The following CYRIB variants were observed in gnomAD, a reference collection of about 807,000 sequenced individuals.
The protein encoded by CYRIB is CYFIP related Rac1 interactor B, also known as CYFIP-related Rac1 interactor B.
A neutral mutation model predicts 44.2 loss-of-function variants in CYRIB; 8 were observed. The observed-to-expected ratio is 0.18, with a 90% CI of 0.11 to 0.33. The LOEUF (loss-of-function observed/expected upper bound fraction) is 0.33. CYRIB is among the 10% of genes least tolerant of loss of function. CYRIB has a pLI of 1.00. For missense variants in CYRIB, 185 were observed against 382.8 expected, an observed-to-expected ratio of 0.48 and a Z score of 4.31; for synonymous variants, 131 against 127.2, an observed-to-expected ratio of 1.03 and a Z score of -0.20.
intron 1 of CYRIB, among the ~76,000 whole-genome samples, chr8:129,977,509 G>A (rs549534666): frequency 6.6e-6 from 1 of 152,022 alleles, no homozygotes; most frequent in South Asian, 2.1e-4. Context: ...TATACTATTT[G>A]GTATTATCAC....
At chr8:129,893,710 T>G (rs1006672411) in intron 2 of CYRIB, among the ~76,000 whole-genome samples, 14 of 152,098 alleles carry the variant, frequency 9.2e-5, no homozygotes, top group Non-Finnish European at 2.1e-4. Flanking sequence ...TTAAAAAAAT[T>G]ATTAGATAGA....
chr8:129,934,316 A>T (rs2092376060), intron 1 of CYRIB, among the ~76,000 whole-genome samples: 1 of 152,188 alleles, frequency 6.6e-6, no homozygotes, highest in Admixed American at 6.6e-5. Flanking sequence ...CAATGCGGTA[A>T]ATCAATGGAA....
At chr8:129,872,278 T>C (rs1371662204) in intron 3 of CYRIB, among the ~76,000 whole-genome samples, 2 of 152,144 alleles carry the variant, frequency 1.3e-5, no homozygotes, top group Non-Finnish European at 1.5e-5. Flanking sequence ...AAAGAAAATC[T>C]GAGTTCCTAC....
chr8:129,890,702 G>C (rs1230101300), intron 2 of CYRIB: 1 of 152,054 alleles, frequency 6.6e-6, no homozygotes, highest in African/African-American at 2.4e-5. Context: ...AGACCAGCCT[G>C]GCCAACATGG....
chr8:129,990,514 G>A (rs2096605155), intron 1 of CYRIB, among the ~76,000 whole-genome samples: 1 of 151,616 alleles, frequency 6.6e-6, no homozygotes, highest in African/African-American at 2.4e-5. Flanking sequence ...GTGTGTGTGT[G>A]TGTGTGTGTA....
At chr8:129,999,331 CT>C (rs2096855497) in intron 1 of CYRIB, among the ~76,000 whole-genome samples, 1 of 152,210 alleles carries the variant, frequency 6.6e-6, no homozygotes, top group South Asian at 2.1e-4. Context: ...CCAGGCCCGT[CT>C]CGGGATCCCT....
chr8:129,969,662 C>A (rs10956505), intron 2 of CYRIB, among the ~76,000 whole-genome samples: 43,899 of 151,896 alleles, frequency 0.29, 7,039 homozygotes, highest in African/African-American at 0.42. Flanking sequence ...CCAGTCTTTC[C>A]TTCAGCACTG....
chr8:129,967,442 C>T (rs537908341), intron 2 of CYRIB, among the ~76,000 whole-genome samples: 3 of 151,414 alleles, frequency 2.0e-5, no homozygotes, highest in Admixed American at 6.6e-5. Context: ...TGCAGTGGCG[C>T]GATCTCGGCT....
At chr8:129,859,258 A>G (rs949963553) in intron 5 of CYRIB, among the ~76,000 whole-genome samples, 4 of 152,206 alleles carry the variant, frequency 2.6e-5, no homozygotes, top group Non-Finnish European at 4.4e-5. Flanking sequence ...TCTGCTTATC[A>G]GGGACTTTTA....
chr8:129,843,222 T>C (rs1361063466), intron 11 of CYRIB, among the ~76,000 whole-genome samples: 2 of 152,098 alleles, frequency 1.3e-5, no homozygotes, highest in Admixed American at 6.5e-5. Flanking sequence ...GGAAACACCA[T>C]CTCCCATGGA....
intron 2 of CYRIB, among the ~76,000 whole-genome samples, chr8:129,886,086 T>C (rs2062662249): frequency 6.6e-6 from 1 of 152,210 alleles, no homozygotes; most frequent in Non-Finnish European, 1.5e-5. Context: ...TGCCCTCTAC[T>C]ACAACATCAT....
intron 5 of CYRIB, among the ~76,000 whole-genome samples, chr8:129,860,487 C>T (rs938384412): frequency 1.3e-5 from 2 of 152,044 alleles, no homozygotes; most frequent in African/African-American, 2.4e-5. Context: ...ATAACTAATA[C>T]TAAAATTGGG....
At chr8:129,848,629 G>A (rs1391917690) in intron 10 of CYRIB, among the ~76,000 whole-genome samples, 2 of 152,244 alleles carry the variant, frequency 1.3e-5, no homozygotes, top group East Asian at 1.9e-4. Flanking sequence ...ATGCAGTGGT[G>A]TGATCGTGGC....
exon 8 of CYRIB, chr8:129,852,237 T>C: frequency 6.4e-7 from 1 of 1,563,770 alleles, no homozygotes; most frequent in African/African-American, 1.4e-5. Flanking sequence ...ACAAAGACAT[T>C]CGATTTGCCA....
At chr8:129,853,820 A>T (rs1053595209) in intron 7 of CYRIB, among the ~76,000 whole-genome samples, 4 of 152,176 alleles carry the variant, frequency 2.6e-5, no homozygotes, top group Admixed American at 2.6e-4. Context: ...CCTCACTATC[A>T]CCTCTTGCCA....
At chr8:130,012,747 AG>A (rs766381059) in intron 1 of CYRIB, among the ~76,000 whole-genome samples, 2 of 152,338 alleles carry the variant, frequency 1.3e-5, no homozygotes, top group African/African-American at 4.8e-5. Context: ...CACTGCCTCT[AG>A]AAAGAGAAAA....
At chr8:129,986,009 G>C (rs1446346067) in intron 1 of CYRIB, among the ~76,000 whole-genome samples, 2 of 152,128 alleles carry the variant, frequency 1.3e-5, no homozygotes, top group African/African-American at 2.4e-5. Context: ...CTCACCCTAA[G>C]TGTCCCTCCC....
In CYRIB at chr8:130,013,769, T is replaced by C. The variant is rs150273822; in HGVS notation, c.-296+2601A>G. ...AGCTGTCAGGGACCAGGATTCCACA[T>C]AGGGAGGAACCACGGGACAACCATT... On this transcript the variant is annotated intron_variant, in intron 1 of 14. Transcript: ENST00000401979. 9.2e-3 allele frequency among the ~76,000 whole-genome samples: 1,401 copies of C among 152,216 alleles called. 11 individuals are homozygous for C. Among genetic ancestry groups the C allele is most frequent in the Non-Finnish European group, 0.014 (975 of 68,004 alleles).
At chr8:129,944,152 T>C (rs1265597974), upstream of CYRIB, among the ~76,000 whole-genome samples, 1 of 152,118 alleles carries the variant, frequency 6.6e-6, no homozygotes, top group Non-Finnish European at 1.5e-5. Context: ...GTATGTTTTA[T>C]ATCAGGATCA....
Sources: allele counts gnomAD v4.1 joint callset (sites outside exome capture counted in the v4.1 genomes callset), GRCh38; gene constraint gnomAD v4.1.1; transcripts MANE v1.5; gene names NCBI Gene and HGNC (gene_info 2026-07-23, HGNC 2026-07-21).